Variants in CHERP observed in about 807,000 individuals in gnomAD.
CHERP encodes the protein calcium homeostasis endoplasmic reticulum protein, also known as ERPROT 213-21.
A neutral mutation model predicts 113.8 loss-of-function variants in CHERP; 8 were observed. The observed-to-expected ratio is 0.07, with a 90% CI of 0.04 to 0.13. The LOEUF is 0.13. Ranked by LOEUF, CHERP falls within the 10% of genes least tolerant of loss-of-function variation. The pLI is 1.00. For synonymous variants in CHERP, 559 were observed against 524.5 expected (o/e 1.07, Z -0.90); for missense variants, 884 against 1,298.2 (o/e 0.68, Z 4.90).
chr19:16,529,411 T>C (rs2085680721), intron 8 of CHERP, among the ~76,000 whole-genome samples: 1 of 152,192 alleles, frequency 6.6e-6, no homozygotes, highest in Admixed American at 6.5e-5. Context: ...CTCTATTTCT[T>C]TTCTCTGGGA....
At chr19:16,527,382 C>A (rs1177720226) in intron 9 of CHERP, among the ~76,000 whole-genome samples, 1 of 152,208 alleles carries the variant, frequency 6.6e-6, no homozygotes, top group Non-Finnish European at 1.5e-5. Context: ...CTCAAAGCCA[C>A]AACCACCAAG....
chr19:16,520,276 G>A lies in CHERP; in HGVS notation c.2346-11C>T, dbSNP rs1335776249. 1 of 1,613,150 alleles carries A rather than the reference G, an allele frequency of 6.2e-7. No individual in the cohort carries two copies. Among genetic ancestry groups the A allele is most frequent in the Non-Finnish European group, 8.5e-7 (1 of 1,179,854 alleles). Reference sequence around the variant, plus strand: ...GACCTGCTCCGACTTCTGCAGGGAAGGGTGCCCAAGGGTCAGCAGCAGCCA... The same window carrying A: ...GACCTGCTCCGACTTCTGCAGGGAAAGGTGCCCAAGGGTCAGCAGCAGCCA... On this transcript the variant is annotated splice_polypyrimidine_tract_variant and intron_variant, in intron 14 of 16. Coordinates refer to ENST00000546361, the MANE Select transcript of CHERP (RefSeq NM_006387.6). The surrounding 1 kb of genome is among the most constrained non-coding windows in gnomAD (Gnocchi z 4.0).
Position 16,523,207 on chromosome 19 carries a change from G to A in CHERP, c.1825C>T (p.His609Tyr), listed in dbSNP as rs1337967106. 3 of 1,592,902 alleles carry A rather than the reference G, an allele frequency of 1.9e-6. No individual in the cohort carries two copies. The highest frequency in any genetic ancestry group is 1.4e-5 in the African/African-American group (1 of 73,176). ...NEHPPWAGPQ[H>Y]PDFGPPPHGF... is the part of the protein sequence containing the mutation. ...TGGGGGGGAGGGCCGAAGTCAGGGT[G>A]CTGGGGTCCAGCCCAAGGCGGGTGC... Residue 609 changes from histidine (H) to tyrosine (Y), a missense_variant, in exon 11 of 17, where the codon CAC becomes TAC. Physicochemically the swap from His to Tyr is moderately conservative, Grantham distance 83 (BLOSUM62 2). Around this residue, in one of 8 missense-constraint regions of CHERP, gnomAD observed 464 missense variants for 590.1 expected, o/e 0.79. Coordinates refer to ENST00000546361, the MANE Select transcript of CHERP (RefSeq NM_006387.6). The surrounding 1 kb of genome is among the most constrained non-coding windows in gnomAD (Gnocchi z 4.0).
At chr19:16,522,684 A>G (rs1278568053) in intron 11 of CHERP, among the ~76,000 whole-genome samples, 3 of 152,182 alleles carry the variant, frequency 2.0e-5, no homozygotes, top group African/African-American at 7.2e-5. Context: ...TGGTAGGCAC[A>G]GCTCACAGGT....
rs536106838 is a variant in CHERP at position 16,524,621 on chromosome 19, C to G, written c.1741+621G>C. ...ATAACAAAGATACTAGGCATGGTGGCTCACATCTGTAGACCCAGCTACTCT... is the reference window on the plus strand; with the variant it reads ...ATAACAAAGATACTAGGCATGGTGGGTCACATCTGTAGACCCAGCTACTCT... On this transcript the variant is annotated intron_variant, in intron 10 of 16. Coordinates refer to ENST00000546361, the MANE Select transcript of CHERP (RefSeq NM_006387.6). Among the ~76,000 whole-genome samples the G allele has an allele frequency of 1.2e-4, 18 of 151,616 alleles. No individual in the cohort carries two copies. In the East Asian group the frequency reaches 3.5e-3, roughly 29 times the overall value.
At position 16,533,248 on chromosome 19, in the gene CHERP, C is replaced by T. The variant is rs538741785; in HGVS notation, c.385-100G>A. ...CAGGGGCGGGGTGGGGACATGGTGG[C>T]GATGCCCGGACTCTGGGCTGCTCTG... On this transcript the variant is annotated intron_variant, in intron 3 of 16. Transcript: ENST00000546361. 4.1e-5 allele frequency: 49 copies of T among 1,209,538 alleles called. No homozygotes were observed. In the African/African-American group the frequency reaches 6.6e-4, roughly 16 times the overall value. 74.9% of individuals were successfully genotyped at this position (1,209,538 alleles called of 1,614,324 possible).
Position 16,519,779 on chromosome 19 carries a change from T to C in CHERP, c.2463-64A>G, listed in dbSNP as rs1448049565. 1 of 1,384,378 alleles carries C rather than the reference T, an allele frequency of 7.2e-7. No homozygotes were observed. 85.8% of individuals were successfully genotyped at this position (1,384,378 alleles called of 1,614,324 possible). ...GAGACATTTATTGGAATGACAGTGA[T>C]GAGGACCTCACAGCCGCAGCTTGCG... On this transcript the variant is annotated intron_variant, in intron 15 of 16. Coordinates refer to ENST00000546361, the MANE Select transcript of CHERP (RefSeq NM_006387.6). The surrounding 1 kb of genome is among the most constrained non-coding windows in gnomAD (Gnocchi z 6.0).
In CHERP at chr19:16,529,820, C is replaced by A. The variant is rs758527692; in HGVS notation, c.957G>T (p.Thr319=). ...AFQQQIQTLK[T]QHEEFVTSLA... is the part of the protein sequence containing the mutation. ...GGCTGGTGACAAACTCCTCGTGCTG[C>A]GTCTTGAGGGTCTGGATCTGCTGCT... Residue 319 remains threonine (T), a synonymous_variant, in exon 8 of 17, where the codon ACG becomes ACT. Transcript: ENST00000546361. 5.3e-5 allele frequency: 85 copies of A among 1,613,598 alleles called. No individual in the cohort carries two copies. The Admixed American group carries it at 1.3e-3, about 25-fold the overall frequency.
rs2085652184 is a variant in CHERP at position 16,525,583 on chromosome 19, C to T, written c.1400G>A (p.Arg467His). 3 of 1,538,468 alleles carry T rather than the reference C, an allele frequency of 1.9e-6. No individual in the cohort carries two copies. Among genetic ancestry groups the T allele is most frequent in the Non-Finnish European group, 1.7e-6 (2 of 1,145,412 alleles). Reference protein sequence around the residue: ...NSHEGMWGEQRGDPGWNGQRD... With the variant: ...NSHEGMWGEQHGDPGWNGQRD... ...CTGGCCGTTCCAGCCGGGGTCACCG[C>T]GCTGCTCGCCCCACATGCCCTCATG... Residue 467 changes from arginine to histidine, a missense_variant, in exon 10 of 17, where the codon CGC (arginine) becomes CAC (histidine). By Grantham distance (29) the Arg-to-His change is conservative (BLOSUM62 0). Around this residue, in one of 8 missense-constraint regions of CHERP, gnomAD observed 464 missense variants for 590.1 expected, o/e 0.79. Transcript: ENST00000546361. The surrounding 1 kb of genome is among the most constrained non-coding windows in gnomAD (Gnocchi z 6.5).
chr19:16,535,208 C>CA lies in CHERP; in HGVS notation c.384+243dup, dbSNP rs1172229469. ...AAGGTGCATACGTGCCCCACAGTCCCACTCAGGGGGGTCCACCCCAGGGTG... is the reference window on the plus strand; with the variant it reads ...AAGGTGCATACGTGCCCCACAGTCCCAACTCAGGGGGGTCCACCCCAGGGTG... On this transcript the variant is annotated intron_variant, in intron 3 of 16. Transcript: ENST00000546361. The surrounding 1 kb of genome is among the most constrained non-coding windows in gnomAD (Gnocchi z 4.3). 2.6e-5 allele frequency among the ~76,000 whole-genome samples: 4 copies of CA among 152,252 alleles called. No individual in the cohort carries two copies. The highest frequency in any genetic ancestry group is 4.4e-5 in the Non-Finnish European group (3 of 68,032).
Position 16,525,809 on chromosome 19 carries a change from C to CAA in CHERP, c.1306-133_1306-132insTT. 1.3e-6 allele frequency: 1 copy of CAA among 773,612 alleles called. No individual in the cohort carries two copies. The highest frequency in any genetic ancestry group is 3.1e-5 in the East Asian group (1 of 32,024). The allele number at this position is 773,612 out of a possible 1,614,324, so 47.9% of individuals were successfully genotyped here. On this transcript the variant is annotated intron_variant, in intron 9 of 16. Coordinates refer to ENST00000546361, the MANE Select transcript of CHERP (RefSeq NM_006387.6). This position sits in a 1 kb window ranked among gnomAD's most constrained non-coding sequence, Gnocchi z 6.5. Reference sequence around the variant, plus strand: ...CTGCCCTGGCCACGTTGAGGCGCCTCCTACGCTGACGCCTGCGAGGATGCT... The same window carrying CAA: ...CTGCCCTGGCCACGTTGAGGCGCCTCAACTACGCTGACGCCTGCGAGGATGCT...
At chr19:16,534,940 G>C (rs368840049) in intron 3 of CHERP, among the ~76,000 whole-genome samples, 1 of 152,146 alleles carries the variant, frequency 6.6e-6, no homozygotes, top group Non-Finnish European at 1.5e-5. Context: ...GCCGGGTGTG[G>C]TGGTGCATGC....
chr19:16,521,596 A>G lies in CHERP; in HGVS notation c.2039T>C (p.Met680Thr). ...AGCCAGCAGCCTCTCGCTGGGCGGCATGGGGGGTGGGAGGCGGATGTCTTT... is the reference window on the plus strand; with the variant it reads ...AGCCAGCAGCCTCTCGCTGGGCGGCGTGGGGGGTGGGAGGCGGATGTCTTT... ...DPKDIRLPPP[M>T]PPSERLLAAV... Residue 680 changes from methionine (M) to threonine (T), a missense_variant, in exon 12 of 17, where the codon ATG becomes ACG. By Grantham distance (81) the Met-to-Thr change is moderately conservative. Transcript: ENST00000546361. 6.2e-7 allele frequency: 1 copy of G among 1,609,420 alleles called. No homozygotes were observed. The highest frequency in any genetic ancestry group is 8.5e-7 in the Non-Finnish European group (1 of 1,178,190).
intron 11 of CHERP, 141 bp downstream of exon 11, chr19:16,522,911 T>G (rs1568505317): frequency 1.0e-6 from 1 of 990,448 alleles, no homozygotes; most frequent in Non-Finnish European, 1.4e-6. Context: ...CACCTCCCAC[T>G]GACGGATCAG....
chr19:16,534,195 C>T (rs147240403), intron 3 of CHERP, among the ~76,000 whole-genome samples: 1 of 152,256 alleles, frequency 6.6e-6, no homozygotes, highest in African/African-American at 2.4e-5. Context: ...GGACTACAGA[C>T]ACCTGTCACT....
intron 8 of CHERP, 49 bp downstream of exon 8, chr19:16,529,599 C>G: frequency 6.6e-7 from 1 of 1,524,072 alleles, no homozygotes; most frequent in Non-Finnish European, 8.8e-7. Context: ...GGTGCCCAGC[C>G]TCTGGGGGCT....
At chr19:16,522,318 G>A (rs2085623969) in intron 11 of CHERP, among the ~76,000 whole-genome samples, 1 of 152,030 alleles carries the variant, frequency 6.6e-6, no homozygotes, top group Non-Finnish European at 1.5e-5. Flanking sequence ...GAGTGTAGTG[G>A]CGTGATCTCG....
intron 9 of CHERP, among the ~76,000 whole-genome samples, chr19:16,526,549 C>T (rs893835517): frequency 6.6e-6 from 1 of 152,070 alleles, no homozygotes; most frequent in African/African-American, 2.4e-5. Flanking sequence ...CTCACTGCAA[C>T]TTCCACCTCC....
chr19:16,522,703 C>T (rs912618425), intron 11 of CHERP, among the ~76,000 whole-genome samples: 7 of 152,192 alleles, frequency 4.6e-5, no homozygotes, highest in African/African-American at 1.7e-4. Context: ...GTGGCTCCTT[C>T]TAAGACATTC....
Sources: allele counts gnomAD v4.1 joint callset (sites outside exome capture counted in the v4.1 genomes callset), GRCh38; gene constraint gnomAD v4.1.1; regional missense constraint gnomAD v4.1.1; non-coding constraint Gnocchi (gnomAD v3.1); transcripts MANE v1.5; gene names NCBI Gene and HGNC (gene_info 2026-07-23, HGNC 2026-07-21).